Variants in MTMR3 observed in about 807,000 individuals in gnomAD.
MTMR3 encodes phosphatidylinositol-3,5-bisphosphate 3-phosphatase MTMR3.
MTMR3 carries 32 observed loss-of-function variants against 132.4 expected under a neutral mutation model. The ratio of observed to expected loss-of-function variants is 0.24; its 90% confidence interval spans 0.18 to 0.32. MTMR3 has a LOEUF of 0.32. MTMR3 is among the 10% of genes least tolerant of loss of function. The probability of loss-of-function intolerance (pLI) is 1.00; values close to 1 mark genes in which losing one functional copy is unlikely to be tolerated. For synonymous variants in MTMR3, 556 were observed against 550.3 expected, an observed-to-expected ratio of 1.01 and a Z score of -0.14; for missense variants, 1,216 against 1,489.6, an observed-to-expected ratio of 0.82 and a Z score of 3.02.
intron 12 of MTMR3, 122 bp from the exon 13 acceptor site, chr22:30,012,246 T>C: frequency 9.4e-7 from 1 of 1,063,770 alleles, no homozygotes; most frequent in East Asian, 2.5e-5. Flanking sequence ...TTTTTTGTTT[T>C]GGCAGTGTTA....
intron 1 of MTMR3, among the ~76,000 whole-genome samples, chr22:29,955,055 T>C (rs2066161494): frequency 6.6e-6 from 1 of 152,202 alleles, no homozygotes; most frequent in South Asian, 2.1e-4. Context: ...AGTGGCACCA[T>C]TGTGGCTCAC....
At chr22:29,984,965 ATTAGC>A (rs2066827509) in intron 5 of MTMR3, 1 of 152,208 alleles carries the variant, frequency 6.6e-6, no homozygotes, top group African/African-American at 2.4e-5. Context: ...TTACTACTAT[ATTAGC>A]TTATAGTGTA....
At chr22:29,988,251 G>A in intron 5 of MTMR3, 1 of 313,140 alleles carries the variant, frequency 3.2e-6, no homozygotes, top group South Asian at 7.7e-5. Flanking sequence ...CCACCTCTTT[G>A]TTGCCTTCAT....
chr22:29,957,439 T>G (rs201127592), intron 2 of MTMR3, among the ~76,000 whole-genome samples: 1 of 77,180 alleles, frequency 1.3e-5, no homozygotes, highest in African/African-American at 3.2e-5. Context: ...ATTTATTTAT[T>G]TATTTATTTA....
chr22:30,025,827 G>A lies in MTMR3; in HGVS notation c.*26G>A, dbSNP rs757883073. The A allele has an allele frequency of 1.9e-6, 3 of 1,612,314 alleles. No individual in the cohort carries two copies. Among genetic ancestry groups the A allele is most frequent in the Non-Finnish European group, 2.5e-6 (3 of 1,179,320 alleles). On this transcript the variant is annotated 3_prime_UTR_variant, in exon 20 of 20. Transcript: ENST00000401950. ...AGCTCAGTGACCTGGGTGGGCAGTG[G>A]CCAAGCTGCTGTTCCTATGACAGGC...
intron 1 of MTMR3, among the ~76,000 whole-genome samples, chr22:29,929,946 G>T (rs1490975589): frequency 6.6e-6 from 1 of 152,194 alleles, no homozygotes; most frequent in Non-Finnish European, 1.5e-5. Context: ...GGGGTGTGTG[G>T]AGAGTACAGC....
At chr22:29,934,766 G>T (rs1033758193) in intron 1 of MTMR3, among the ~76,000 whole-genome samples, 35 of 152,282 alleles carry the variant, frequency 2.3e-4, no homozygotes, top group Admixed American at 2.1e-3. Context: ...GAACCTTGAA[G>T]TCCTCACTGT....
chr22:29,903,537 G>A (rs1195003690), intron 1 of MTMR3, among the ~76,000 whole-genome samples: 2 of 151,666 alleles, frequency 1.3e-5, no homozygotes, highest in Non-Finnish European at 2.9e-5. Flanking sequence ...GTAGGAACAT[G>A]CCAACATGCC....
chr22:29,982,290 C>A (rs1420080879), intron 5 of MTMR3: 3 of 143,490 alleles, frequency 2.1e-5, no homozygotes, highest in Admixed American at 7.1e-5. Context: ...AAATTAATTT[C>A]ATCACAGCTA....
Position 30,025,630 on chromosome 22 carries a change from G to A in MTMR3, c.3426G>A (p.Arg1142=). The change falls in exon 20 of 20, where the codon AGG becomes AGA. Residue 1142 remains arginine, a splice_region_variant and synonymous_variant. Coordinates refer to ENST00000401950, the MANE Select transcript of MTMR3 (RefSeq NM_021090.4). The part of the protein sequence containing the change: ...FWLASRKHHC[R]NCGNVFCSSC... ...TTGTTCTGTTTCTTCTCATCTCAAG[G>A]AATTGTGGGAACGTATTCTGCTCCA... 6.2e-7 allele frequency: 1 copy of A among 1,614,166 alleles called. No individual in the cohort carries two copies. Among genetic ancestry groups the A allele is most frequent in the South Asian group, 1.1e-5 (1 of 91,082 alleles).
At chr22:29,889,681 C>T (rs777615238) in intron 1 of MTMR3, among the ~76,000 whole-genome samples, 4 of 151,632 alleles carry the variant, frequency 2.6e-5, no homozygotes, top group Non-Finnish European at 5.9e-5. Flanking sequence ...TTTTCTTATA[C>T]ATATCTATTG....
chr22:30,021,019 G>A, intron 17 of MTMR3, 135 bp downstream of exon 17: 1 of 882,142 alleles, frequency 1.1e-6, no homozygotes, highest in Non-Finnish European at 1.7e-6. Context: ...GCCCTGTTAA[G>A]AGAGGCTGGA....
intron 2 of MTMR3, among the ~76,000 whole-genome samples, chr22:29,959,832 C>T (rs889762474): frequency 2.0e-5 from 3 of 149,012 alleles, no homozygotes; most frequent in African/African-American, 7.5e-5. Context: ...GATCATGGGT[C>T]ACTGCAGCCT....
intron 1 of MTMR3, among the ~76,000 whole-genome samples, chr22:29,949,103 A>ACG (rs2066007213): frequency 4.6e-5 from 1 of 21,866 alleles, no homozygotes; most frequent in Non-Finnish European, 9.1e-5. Context: ...CTTAAAACAC[A>ACG]CACACACACA....
intron 3 of MTMR3, among the ~76,000 whole-genome samples, chr22:29,971,353 G>A (rs755566953): frequency 2.6e-5 from 4 of 151,996 alleles, no homozygotes; most frequent in Non-Finnish European, 2.9e-5. Flanking sequence ...TACAGTTCTC[G>A]GACTCCAGGT....
At chr22:29,994,282 T>A in intron 7 of MTMR3, 4 of 299,026 alleles carry the variant, frequency 1.3e-5, no homozygotes, top group Non-Finnish European at 2.0e-5. Context: ...CAGCATGGAA[T>A]CTTGTATTTC....
intron 1 of MTMR3, among the ~76,000 whole-genome samples, chr22:29,920,283 G>A (rs988623398): frequency 2.6e-5 from 4 of 151,460 alleles, no homozygotes; most frequent in African/African-American, 7.3e-5. Context: ...TCATGAACTC[G>A]TTGGTTATTC....
At chr22:29,936,576 A>T (rs528180002) in intron 1 of MTMR3, among the ~76,000 whole-genome samples, 13 of 152,050 alleles carry the variant, frequency 8.5e-5, no homozygotes, top group African/African-American at 3.1e-4. Flanking sequence ...AAATAAAGAA[A>T]CTCTAAGAGA....
At chr22:29,888,768 C>CTTTTTTTTTT (rs3049983) in intron 1 of MTMR3, among the ~76,000 whole-genome samples, 1 of 101,880 alleles carries the variant, frequency 9.8e-6, no homozygotes, top group Non-Finnish European at 1.9e-5. Context: ...TTAGTTAATA[C>CTTTTTTTTTT]TTTTTTTTTT....
Sources: gnomAD v4.1 joint callset for allele counts (sites outside exome capture counted in the v4.1 genomes callset) on GRCh38, gnomAD v4.1.1 for gene constraint, MANE v1.5 for transcripts, NCBI Gene and HGNC (gene_info 2026-07-23, HGNC 2026-07-21) for gene names.